The following NET1 variants were observed in gnomAD, a reference collection of about 807,000 sequenced individuals.
NET1 encodes the protein neuroepithelial cell-transforming gene 1 protein.
Under a neutral mutation model 61.1 loss-of-function variants are expected in NET1, and 42 were observed. That is an observed-to-expected ratio of 0.69 (90% CI 0.54 to 0.89). The LOEUF (loss-of-function observed/expected upper bound fraction) is 0.89, where lower values mean the gene tolerates loss of function less well. Among genes scored for constraint, NET1 ranks in the 40% least tolerant of loss-of-function variants. NET1 has a pLI of 0.00. For missense variants in NET1, 654 were observed against 747.3 expected (o/e 0.88, Z 1.46); for synonymous variants, 254 against 281.8 (o/e 0.90, Z 0.99).
At chr10:5,429,106 CT>C in intron 2 of NET1, 63 bp from the exon 3 acceptor site, 1 of 1,135,454 alleles carries the variant, frequency 8.8e-7, no homozygotes, top group Non-Finnish European at 1.3e-6. Flanking sequence ...TTTATAGAGT[CT>C]TTGTTTTGTG....
At position 5,446,707 on chromosome 10, in the gene NET1, G is replaced by T; in HGVS notation, c.256-5123G>T. The T allele has an allele frequency of 2.0e-6, 3 of 1,478,106 alleles. No homozygotes were observed. The South Asian group carries it at 4.3e-5, about 21-fold the overall frequency. The allele number at this position is 1,478,106 out of a possible 1,614,324, so 91.6% of individuals were successfully genotyped here. A position where few individuals can be genotyped will look rare whatever the true frequency, so the allele number is the denominator to read the frequency against. Reference sequence around the variant, plus strand: ...AGCCCGTGTGCCTCTGCATAGCGTCGCTACAGCGCTGACTCGGTGTGGATT... The same window carrying T: ...AGCCCGTGTGCCTCTGCATAGCGTCTCTACAGCGCTGACTCGGTGTGGATT... On this transcript the variant is annotated intron_variant, in intron 3 of 11. Transcript: ENST00000355029. This position sits in a 1 kb window ranked among gnomAD's most constrained non-coding sequence, Gnocchi z 5.0.
intron 1 of NET1, among the ~76,000 whole-genome samples, chr10:5,419,212 G>A (rs1278809334): frequency 2.0e-5 from 3 of 152,100 alleles, no homozygotes; most frequent in African/African-American, 7.2e-5. Flanking sequence ...GTGGCTTGCT[G>A]TTTGCATGAT....
chr10:5,432,549 A>G (rs1217511853), intron 3 of NET1, among the ~76,000 whole-genome samples: 1 of 151,780 alleles, frequency 6.6e-6, no homozygotes, highest in Non-Finnish European at 1.5e-5. Context: ...TTACACCAAC[A>G]GCTCATTTGG....
intron 3 of NET1, among the ~76,000 whole-genome samples, chr10:5,445,427 C>T (rs1832591407): frequency 6.6e-6 from 1 of 152,166 alleles, no homozygotes; most frequent in Admixed American, 6.5e-5. Flanking sequence ...ATGTGGCCTA[C>T]CTTTACACAA....
Position 5,423,188 on chromosome 10 carries a change from TGAG to T in NET1, c.129-3465_129-3463del, listed in dbSNP as rs1038065962. The stretch of plus-strand genomic sequence containing the variant: ...TCCATTTTTTATGGTGAATGCATCT[TGAG>T]GGTAAATTATGCTTTTAAGAATGCT... On this transcript the variant is annotated intron_variant, in intron 1 of 11. Coordinates refer to ENST00000355029, the MANE Select transcript of NET1 (RefSeq NM_001047160.3). This position sits in a 1 kb window ranked among gnomAD's most constrained non-coding sequence, Gnocchi z 4.4. Among the ~76,000 whole-genome samples, 2 of 152,200 alleles carry T rather than the reference TGAG, an allele frequency of 1.3e-5. No homozygotes were observed. Among genetic ancestry groups the T allele is most frequent in the African/African-American group, 4.8e-5 (2 of 41,466 alleles).
rs1832179860 is a variant in NET1, at chr10:5,421,970, A to G, written c.129-4685A>G. On this transcript the variant is annotated intron_variant, in intron 1 of 11. Transcript: ENST00000355029. The surrounding 1 kb of genome is among the most constrained non-coding windows in gnomAD (Gnocchi z 4.2). The stretch of plus-strand genomic sequence containing the variant: ...GAATATACTACATTTTGTCAACTCC[A>G]TTTACCAGCTGTTGTACATTTGATT... Among the ~76,000 whole-genome samples, 1 of 152,182 alleles carries G rather than the reference A, an allele frequency of 6.6e-6. No individual in the cohort carries two copies.
Position 5,447,872 on chromosome 10 carries a change from C to T in NET1, c.256-3958C>T, listed in dbSNP as rs1048882307. 1.3e-5 allele frequency among the ~76,000 whole-genome samples: 2 copies of T among 152,178 alleles called. No individual in the cohort carries two copies. Among genetic ancestry groups the T allele is most frequent in the Admixed American group, 6.5e-5 (1 of 15,292 alleles). ...TCATCCACAGTCACTAGTGTGAATCCTGCAGCTTATCATCTGTTGGGCCCA... is the reference window on the plus strand; with the variant it reads ...TCATCCACAGTCACTAGTGTGAATCTTGCAGCTTATCATCTGTTGGGCCCA... On this transcript the variant is annotated intron_variant, in intron 3 of 11. Coordinates refer to ENST00000355029, the MANE Select transcript of NET1 (RefSeq NM_001047160.3). The surrounding 1 kb of genome is among the most constrained non-coding windows in gnomAD (Gnocchi z 4.1).
At position 5,447,608 on chromosome 10, in the gene NET1, C is replaced by T. The variant is rs1832636520; in HGVS notation, c.256-4222C>T. ...TGTGGTAGTGGTTTCCGTCTCTATA[C>T]ACACGTCAAAACTTATCTAATTGTG... On this transcript the variant is annotated intron_variant, in intron 3 of 11. Coordinates refer to ENST00000355029, the MANE Select transcript of NET1 (RefSeq NM_001047160.3). The surrounding 1 kb of genome is among the most constrained non-coding windows in gnomAD (Gnocchi z 4.1). Among the ~76,000 whole-genome samples, 1 of 152,180 alleles carries T rather than the reference C, an allele frequency of 6.6e-6. No individual in the cohort carries two copies. Among genetic ancestry groups the T allele is most frequent in the Non-Finnish European group, 1.5e-5 (1 of 68,030 alleles).
chr10:5,432,261 A>G, intron 3 of NET1, among the ~76,000 whole-genome samples: 1 of 152,228 alleles, frequency 6.6e-6, no homozygotes, highest in East Asian at 1.9e-4. Context: ...TTATATTGAA[A>G]TTTCAGATTC....
chr10:5,451,804 T>G lies in NET1; in HGVS notation c.256-26T>G. ...AAATCATTGCACCTAGACATATATT[T>G]AGTGTCATCTGGTTTGTTTTTATAG... On this transcript the variant is annotated intron_variant, in intron 3 of 11. Transcript: ENST00000355029. The surrounding 1 kb of genome is among the most constrained non-coding windows in gnomAD (Gnocchi z 6.1). 1 of 1,573,090 alleles carries G rather than the reference T, an allele frequency of 6.4e-7. No individual in the cohort carries two copies. The highest frequency in any genetic ancestry group is 8.7e-7 in the Non-Finnish European group (1 of 1,144,006).
Position 5,412,677 on chromosome 10 carries a change from C to G in NET1, c.-16C>G, listed in dbSNP as rs955231589. 2.0e-6 allele frequency: 3 copies of G among 1,464,292 alleles called. No individual in the cohort carries two copies. The highest frequency in any genetic ancestry group is 5.5e-5 in the Admixed American group (2 of 36,146). 90.7% of individuals were successfully genotyped at this position (1,464,292 alleles called of 1,614,324 possible). On this transcript the variant is annotated 5_prime_UTR_variant, in exon 1 of 12. Coordinates refer to ENST00000355029, the MANE Select transcript of NET1 (RefSeq NM_001047160.3). The surrounding 1 kb of genome is among the most constrained non-coding windows in gnomAD (Gnocchi z 6.5). ...TCCCGGGCACCCGGCCACCGCCCCACCCCCTCCTCCGTGCCATGGAGCCCG... is the reference window on the plus strand; with the variant it reads ...TCCCGGGCACCCGGCCACCGCCCCAGCCCCTCCTCCGTGCCATGGAGCCCG...
rs1190534260 is a variant in NET1, at chr10:5,436,248, ATTTTTTTTT to A, written c.255+7038_255+7046del. ...TGCATATATATATATATATATATATATTTTTTTTTTTTTTTTTTTTTTTTTTTAATGTGG... is the reference window on the plus strand; with the variant it reads ...TGCATATATATATATATATATATATATTTTTTTTTTTTTTTTTTAATGTGG... On this transcript the variant is annotated intron_variant, in intron 3 of 11. Transcript: ENST00000355029. 4.3e-4 allele frequency among the ~76,000 whole-genome samples: 8 copies of A among 18,428 alleles called. No individual in the cohort carries two copies. The Admixed American group carries it at 5.2e-3, about 12-fold the overall frequency. 12.1% of individuals were successfully genotyped at this position (18,428 alleles called of 152,430 possible).
rs114687787 is a variant in NET1 at position 5,417,729 on chromosome 10, C to T, written c.128+4909C>T. ...ACAACGCTGAACAGAAGTGGAGAGA[C>T]GGGAAATTCTTGTCTTGTTTCTGAT... On this transcript the variant is annotated intron_variant, in intron 1 of 11. Transcript: ENST00000355029. The surrounding 1 kb of genome is among the most constrained non-coding windows in gnomAD (Gnocchi z 5.5). Among the ~76,000 whole-genome samples, 1,361 of 152,206 alleles carry T rather than the reference C, an allele frequency of 8.9e-3. 21 individuals carry two copies. The highest frequency in any genetic ancestry group is 0.03 in the African/African-American group (1,256 of 41,532).
Position 5,443,985 on chromosome 10 carries a change from A to C in NET1, c.256-7845A>C, listed in dbSNP as rs1832564942. Among the ~76,000 whole-genome samples, 1 of 152,248 alleles carries C rather than the reference A, an allele frequency of 6.6e-6. No homozygotes were observed. Among genetic ancestry groups the C allele is most frequent in the African/African-American group, 2.4e-5 (1 of 41,466 alleles). ...GTAAAGTATTGGCCTTACTTACGCC[A>C]TATTTTAACTGATGAAGCTAACTGA... On this transcript the variant is annotated intron_variant, in intron 3 of 11. Transcript: ENST00000355029. The surrounding 1 kb of genome is among the most constrained non-coding windows in gnomAD (Gnocchi z 4.8).
rs1832192526 is a variant in NET1, at chr10:5,422,475, G to A, written c.129-4180G>A. 6.6e-6 allele frequency among the ~76,000 whole-genome samples: 1 copy of A among 152,200 alleles called. No individual in the cohort carries two copies. The highest frequency in any genetic ancestry group is 1.5e-5 in the Non-Finnish European group (1 of 68,036). Reference sequence around the variant, plus strand: ...GCCACACTGTTTCCAAAGAGTACTGGATTGTTAATGATGGAAGCCTTCAGA... The same window carrying A: ...GCCACACTGTTTCCAAAGAGTACTGAATTGTTAATGATGGAAGCCTTCAGA... On this transcript the variant is annotated intron_variant, in intron 1 of 11. Transcript: ENST00000355029. This position sits in a 1 kb window ranked among gnomAD's most constrained non-coding sequence, Gnocchi z 4.1.
In NET1 at chr10:5,453,048, T is replaced by G; in HGVS notation, c.594+128T>G. On this transcript the variant is annotated intron_variant, in intron 6 of 11. Transcript: ENST00000355029. The surrounding 1 kb of genome is among the most constrained non-coding windows in gnomAD (Gnocchi z 4.9). ...ATATCTACTGGTGAATACATTTTTT[T>G]TAGGTGAGGTCTAGACACATCCTCA... The G allele has an allele frequency of 1.3e-6, 1 of 754,432 alleles. No individual in the cohort carries two copies. Among genetic ancestry groups the G allele is most frequent in the South Asian group, 1.7e-5 (1 of 58,678 alleles). 46.7% of individuals were successfully genotyped at this position (754,432 alleles called of 1,614,324 possible).
At position 5,456,906 on chromosome 10, in the gene NET1, G is replaced by A; in HGVS notation, c.1703G>A (p.Ser568Asn). ...SGMQMAEDSK[S>N]LKTHQTQPGI... ...ATGCAGATGGCAGAGGACAGCAAGA[G>A]CTTAAAGACACACCAGACACAGCCC... is the stretch of plus-strand genomic sequence containing the variant. Residue 568 changes from serine to asparagine, a missense_variant, in exon 12 of 12, where the codon AGC becomes AAC. Transcript: ENST00000355029. This position sits in a 1 kb window ranked among gnomAD's most constrained non-coding sequence, Gnocchi z 7.0. 1 of 1,613,730 alleles carries A rather than the reference G, an allele frequency of 6.2e-7. No individual in the cohort carries two copies. Among genetic ancestry groups the A allele is most frequent in the Non-Finnish European group, 8.5e-7 (1 of 1,179,818 alleles).
At position 5,427,073 on chromosome 10, in the gene NET1, A is replaced by C. The variant is rs1832269452; in HGVS notation, c.195+352A>C. Reference sequence around the variant, plus strand: ...CCTTTTTTTCTTGGTTGAAAATATAAAAATGCTTGATTGCACATTGTGTAT... The same window carrying C: ...CCTTTTTTTCTTGGTTGAAAATATACAAATGCTTGATTGCACATTGTGTAT... On this transcript the variant is annotated intron_variant, in intron 2 of 11. Transcript: ENST00000355029. This position sits in a 1 kb window ranked among gnomAD's most constrained non-coding sequence, Gnocchi z 4.1. Among the ~76,000 whole-genome samples the C allele has an allele frequency of 2.0e-5, 3 of 151,982 alleles. No homozygotes were observed. The highest frequency in any genetic ancestry group is 2.0e-4 in the Admixed American group (3 of 15,256).
At position 5,451,952 on chromosome 10, in the gene NET1, G is replaced by A. The variant is rs1832713004; in HGVS notation, c.363+15G>A. On this transcript the variant is annotated intron_variant, in intron 4 of 11. Transcript: ENST00000355029. The surrounding 1 kb of genome is among the most constrained non-coding windows in gnomAD (Gnocchi z 6.1). ...AAACAATACAGGTAAAAAGAGAGGA[G>A]GAAGAGTAATGTAGTCAGCGGACTT... 6 of 1,590,812 alleles carry A rather than the reference G, an allele frequency of 3.8e-6. No homozygotes were observed. The highest frequency in any genetic ancestry group is 2.2e-5 in the East Asian group (1 of 44,794).
Sources: gnomAD v4.1 joint callset for allele counts (sites outside exome capture counted in the v4.1 genomes callset) on GRCh38, gnomAD v4.1.1 for gene constraint, Gnocchi (gnomAD v3.1) non-coding constraint, MANE v1.5 for transcripts, NCBI Gene and HGNC (gene_info 2026-07-23, HGNC 2026-07-21) for gene names.